Variants in LRRTM4 observed in about 807,000 individuals in gnomAD.
The protein encoded by LRRTM4 is leucine-rich repeat transmembrane neuronal protein 4.
Under a neutral mutation model 47.6 loss-of-function variants are expected in LRRTM4, and 25 were observed. The ratio of observed to expected loss-of-function variants is 0.53; its 90% CI spans 0.38 to 0.73. The LOEUF (loss-of-function observed/expected upper bound fraction) is 0.73, where lower values mean the gene tolerates loss of function less well. LRRTM4 is among the 30% of genes least tolerant of loss of function. LRRTM4 has a pLI of 0.00. For synonymous variants in LRRTM4, 311 were observed against 269.5 expected (o/e 1.15, Z -1.51); for missense variants, 638 against 713.4 (o/e 0.89, Z 1.20).
At chr2:77,079,091 T>A (rs1017706078) in intron 3 of LRRTM4, among the ~76,000 whole-genome samples, 1 of 152,210 alleles carries the variant, frequency 6.6e-6, no homozygotes, top group Non-Finnish European at 1.5e-5. Flanking sequence ...GGGTCAGGAT[T>A]TCAACATATG....
rs78844132 is a variant in LRRTM4, at chr2:77,520,922, C to A, written c.4+746G>T. The stretch of plus-strand genomic sequence containing the variant: ...CTTAATGGAGAGAAAAAAAAAGAAA[C>A]AACTACCATGTGTTGCAGTTTCTTT... On this transcript the variant is annotated intron_variant, in intron 2 of 3. Coordinates refer to ENST00000409884, the MANE Select transcript of LRRTM4 (RefSeq NM_001134745.3). 9.8e-3 allele frequency among the ~76,000 whole-genome samples: 1,483 copies of A among 151,976 alleles called. 17 individuals carry two copies. Among genetic ancestry groups the A allele is most frequent in the Non-Finnish European group, 0.016 (1,104 of 67,928 alleles).
chr2:77,296,206 C>T lies in LRRTM4; in HGVS notation c.1551+222112G>A, dbSNP rs545884244. 5.3e-5 allele frequency among the ~76,000 whole-genome samples: 8 copies of T among 152,092 alleles called. No homozygotes were observed. The East Asian group carries it at 1.5e-3, about 29-fold the overall frequency. On this transcript the variant is annotated intron_variant, in intron 3 of 3. Coordinates refer to ENST00000409884, the MANE Select transcript of LRRTM4 (RefSeq NM_001134745.3). ...GATAGAAATATTTGAGAAATTATTC[C>T]CCAATATTTTCCCCAACACTAAATA...
chr2:77,207,141 T>TA (rs1491487879), intron 3 of LRRTM4, among the ~76,000 whole-genome samples: 18 of 126,676 alleles, frequency 1.4e-4, no homozygotes, highest in East Asian at 2.3e-4. Flanking sequence ...ATATTTTATA[T>TA]TTATATATAT....
intron 3 of LRRTM4, among the ~76,000 whole-genome samples, chr2:77,485,263 G>A (rs1301859527): frequency 1.6e-4 from 25 of 152,100 alleles, no homozygotes; most frequent in Non-Finnish European, 1.5e-5. Flanking sequence ...AATCCGAGGA[G>A]AGAGACAAAG....
At chr2:76,766,530 C>A (rs1347933760) in intron 3 of LRRTM4, among the ~76,000 whole-genome samples, 2 of 152,194 alleles carry the variant, frequency 1.3e-5, no homozygotes, top group Non-Finnish European at 2.9e-5. Context: ...CTTCTCTGCC[C>A]TGCATTGTGC....
intron 3 of LRRTM4, among the ~76,000 whole-genome samples, chr2:77,392,575 T>C (rs566874064): frequency 6.6e-6 from 1 of 152,130 alleles, no homozygotes; most frequent in Non-Finnish European, 1.5e-5. Flanking sequence ...CTGTACAACA[T>C]AGATGAACCT....
chr2:77,215,823 A>G (rs1674419859), intron 3 of LRRTM4, among the ~76,000 whole-genome samples: 1 of 152,134 alleles, frequency 6.6e-6, no homozygotes. Flanking sequence ...TTAGAGTAAA[A>G]CCTCAGAGAT....
At chr2:77,506,221 T>A (rs1026893582) in intron 3 of LRRTM4, among the ~76,000 whole-genome samples, 1 of 151,590 alleles carries the variant, frequency 6.6e-6, no homozygotes, top group African/African-American at 2.4e-5. Flanking sequence ...CGGAGAGAAT[T>A]ATAATATTTT....
chr2:77,003,917 C>T (rs1677533378), intron 3 of LRRTM4, among the ~76,000 whole-genome samples: 1 of 152,118 alleles, frequency 6.6e-6, no homozygotes, highest in African/African-American at 2.4e-5. Context: ...GAGGTGGTCT[C>T]ATAGGGACAT....
intron 3 of LRRTM4, among the ~76,000 whole-genome samples, chr2:77,495,263 AATAT>A (rs1678317062): frequency 6.6e-6 from 1 of 152,054 alleles, no homozygotes; most frequent in Non-Finnish European, 1.5e-5. Context: ...CCCTACTAGC[AATAT>A]ATGAAAGTTC....
chr2:77,094,296 GGAA>G (rs1670746985), intron 3 of LRRTM4, among the ~76,000 whole-genome samples: 1 of 151,904 alleles, frequency 6.6e-6, no homozygotes, highest in Non-Finnish European at 1.5e-5. Flanking sequence ...ATAAATAAAT[GGAA>G]TGCTATCCCA....
chr2:77,387,165 T>A (rs1450794231), intron 3 of LRRTM4, among the ~76,000 whole-genome samples: 1 of 152,112 alleles, frequency 6.6e-6, no homozygotes, highest in East Asian at 1.9e-4. Flanking sequence ...AATGAAAGTA[T>A]ATATGAAAAT....
intron 3 of LRRTM4, among the ~76,000 whole-genome samples, chr2:77,230,863 CA>C (rs1674942806): frequency 6.6e-6 from 1 of 151,922 alleles, no homozygotes; most frequent in South Asian, 2.1e-4. Flanking sequence ...AAAAATAACA[CA>C]AACTATCATT....
intron 3 of LRRTM4, among the ~76,000 whole-genome samples, chr2:77,215,958 C>T (rs1674424537): frequency 6.6e-6 from 1 of 152,118 alleles, no homozygotes; most frequent in East Asian, 1.9e-4. Flanking sequence ...TAAGAGCTGC[C>T]TCCTCCACAT....
rs932104031 is a variant in LRRTM4 at position 77,162,581 on chromosome 2, G to A, written c.1551+355737C>T. Among the ~76,000 whole-genome samples, 8 of 152,110 alleles carry A rather than the reference G, an allele frequency of 5.3e-5. No individual in the cohort carries two copies. In the East Asian group the frequency reaches 5.8e-4, roughly 11 times the overall value. Reference sequence around the variant, plus strand: ...TGGGAGGCACCTCCCAGTAGGGACCGACTGACCCCTCATATGGCCTGGTGT... The same window carrying A: ...TGGGAGGCACCTCCCAGTAGGGACCAACTGACCCCTCATATGGCCTGGTGT... On this transcript the variant is annotated intron_variant, in intron 3 of 3. Transcript: ENST00000409884.
At chr2:77,501,056 C>T (rs887852911) in intron 3 of LRRTM4, among the ~76,000 whole-genome samples, 12 of 150,482 alleles carry the variant, frequency 8.0e-5, no homozygotes, top group East Asian at 3.9e-4. Flanking sequence ...AATATGGTTC[C>T]GGAGAGGATA....
chr2:77,439,425 T>C (rs918873464), intron 3 of LRRTM4, among the ~76,000 whole-genome samples: 1 of 151,998 alleles, frequency 6.6e-6, no homozygotes, highest in Non-Finnish European at 1.5e-5. Context: ...AAAATTCAAA[T>C]AGGTACATAT....
At chr2:77,412,343 T>C (rs1023161749) in intron 3 of LRRTM4, among the ~76,000 whole-genome samples, 1 of 152,232 alleles carries the variant, frequency 6.6e-6, no homozygotes, top group African/African-American at 2.4e-5. Context: ...GTATCCTCTC[T>C]TAATATGTTC....
chr2:77,502,366 G>A (rs1678601450), intron 3 of LRRTM4, among the ~76,000 whole-genome samples: 1 of 151,166 alleles, frequency 6.6e-6, no homozygotes, highest in Admixed American at 6.6e-5. Flanking sequence ...ATGAACAAAA[G>A]TATGAGAGAA....
Sources: allele counts gnomAD v4.1 joint callset (sites outside exome capture counted in the v4.1 genomes callset), GRCh38; gene constraint gnomAD v4.1.1; transcripts MANE v1.5; gene names NCBI Gene and HGNC (gene_info 2026-07-23, HGNC 2026-07-21).